Variants in DOCK1 observed in about 807,000 individuals in gnomAD.
The protein encoded by DOCK1 is dedicator of cytokinesis 1.
DOCK1 carries 138 observed loss-of-function variants against 262.7 expected under a neutral mutation model. The ratio of observed to expected loss-of-function variants is 0.53; its 90% CI spans 0.46 to 0.61. The LOEUF (loss-of-function observed/expected upper bound fraction) is 0.61, where lower values mean the gene tolerates loss of function less well. DOCK1 is among the 20% of genes least tolerant of loss of function. The pLI is 0.00. For synonymous variants in DOCK1, 866 were observed against 867.4 expected, an observed-to-expected ratio of 1.00 and a Z score of 0.03; for missense variants, 1,908 against 2,370.7, an observed-to-expected ratio of 0.80 and a Z score of 4.05.
chr10:127,176,198 C>T lies in DOCK1; in HGVS notation c.2847+48434C>T, dbSNP rs757802603. The T allele has an allele frequency of 5.6e-6, 9 of 1,614,068 alleles. No individual in the cohort carries two copies. The highest frequency in any genetic ancestry group is 3.3e-5 in the South Asian group (3 of 91,076). ...CCTCCCGCTTCTCCCCCAGCTGGCCCGAGGACAGCTGTGTGTCCCTCTGCT... is the reference window on the plus strand; with the variant it reads ...CCTCCCGCTTCTCCCCCAGCTGGCCTGAGGACAGCTGTGTGTCCCTCTGCT... On this transcript the variant is annotated intron_variant, in intron 27 of 51. Transcript: ENST00000623213. This position sits in a 1 kb window ranked among gnomAD's most constrained non-coding sequence, Gnocchi z 4.4.
At position 127,362,024 on chromosome 10, in the gene DOCK1, T is replaced by G. The variant is rs1202237118; in HGVS notation, c.3284-40T>G. ...CATTTAAGCCCATTTTAGAATTCTA[T>G]TTTTCTTTATTTCTGAATATTGTAC... On this transcript the variant is annotated intron_variant, in intron 32 of 51. Transcript: ENST00000623213. 2.6e-6 allele frequency: 4 copies of G among 1,554,888 alleles called. No individual in the cohort carries two copies. The Admixed American group carries it at 7.9e-5, about 31-fold the overall frequency.
chr10:127,249,416 C>CAT (rs1564933587), intron 28 of DOCK1, among the ~76,000 whole-genome samples: 1 of 117,672 alleles, frequency 8.5e-6, no homozygotes, highest in Middle Eastern at 4.4e-3. Flanking sequence ...TATATATATA[C>CAT]ATGTACATAT....
chr10:127,197,369 C>A (rs530846831), intron 27 of DOCK1, among the ~76,000 whole-genome samples: 1 of 152,092 alleles, frequency 6.6e-6, no homozygotes, highest in East Asian at 1.9e-4. Context: ...GAGCTATCCC[C>A]GCCCTTAATT....
intron 27 of DOCK1, among the ~76,000 whole-genome samples, chr10:127,219,335 A>G (rs1409646872): frequency 6.6e-6 from 1 of 152,244 alleles, no homozygotes; most frequent in East Asian, 1.9e-4. Flanking sequence ...GCATATGGCT[A>G]TTTCTGAGTT....
At chr10:127,311,807 C>G (rs1462833767) in intron 29 of DOCK1, among the ~76,000 whole-genome samples, 4 of 152,188 alleles carry the variant, frequency 2.6e-5, no homozygotes, top group Non-Finnish European at 4.4e-5. Context: ...CTCTGGGCTG[C>G]TTAAATTGAC....
intron 23 of DOCK1, among the ~76,000 whole-genome samples, chr10:127,084,036 T>G (rs2047059100): frequency 6.6e-6 from 1 of 152,228 alleles, no homozygotes; most frequent in South Asian, 2.1e-4. Context: ...CTAAATCCCA[T>G]TATTTAATAT....
chr10:127,217,712 A>G (rs1163696426), intron 27 of DOCK1, among the ~76,000 whole-genome samples: 1 of 152,236 alleles, frequency 6.6e-6, no homozygotes, highest in Non-Finnish European at 1.5e-5. Context: ...TCTGAAAAAC[A>G]TGCCACATAG....
intron 13 of DOCK1, among the ~76,000 whole-genome samples, chr10:127,019,702 T>G (rs2042275920): frequency 6.6e-6 from 1 of 152,158 alleles, no homozygotes; most frequent in African/African-American, 2.4e-5. Flanking sequence ...TGAGCACAGA[T>G]CACGCCACTG....
intron 1 of DOCK1, among the ~76,000 whole-genome samples, chr10:126,927,405 CTT>C (rs1487909117): frequency 6.6e-6 from 1 of 152,112 alleles, no homozygotes; most frequent in Admixed American, 6.5e-5. Context: ...TGATCTCTTC[CTT>C]TCTTTCCAAA....
At chr10:127,309,458 CA>C (rs1443433539) in intron 29 of DOCK1, among the ~76,000 whole-genome samples, 5 of 144,964 alleles carry the variant, frequency 3.4e-5, no homozygotes, top group African/African-American at 1.4e-4. Context: ...TCCCGGTTGT[CA>C]ATTTTTTGCT....
chr10:127,432,862 T>C (rs2069394347), intron 47 of DOCK1, among the ~76,000 whole-genome samples: 1 of 152,192 alleles, frequency 6.6e-6, no homozygotes, highest in Non-Finnish European at 1.5e-5. Flanking sequence ...TATGGATTCA[T>C]GCATTTTGAT....
At chr10:127,442,726 G>T (rs977671723) in intron 49 of DOCK1, among the ~76,000 whole-genome samples, 1 of 152,180 alleles carries the variant, frequency 6.6e-6, no homozygotes, top group Middle Eastern at 3.2e-3. Context: ...AGACTTTCAG[G>T]TACACGCCAA....
intron 23 of DOCK1, among the ~76,000 whole-genome samples, chr10:127,082,778 C>T (rs1024203832): frequency 2.0e-5 from 3 of 152,130 alleles, no homozygotes; most frequent in Admixed American, 6.5e-5. Flanking sequence ...TCTCCTTTCC[C>T]CGTGCCCCAC....
chr10:127,299,061 T>G (rs1358561638), intron 29 of DOCK1, among the ~76,000 whole-genome samples: 2 of 152,192 alleles, frequency 1.3e-5, no homozygotes, highest in Non-Finnish European at 1.5e-5. Context: ...TTTGCAGATA[T>G]AATCAGGTTG....
At chr10:127,223,451 T>C (rs2058515755) in intron 27 of DOCK1, among the ~76,000 whole-genome samples, 1 of 152,188 alleles carries the variant, frequency 6.6e-6, no homozygotes. Context: ...GCATCCCTAA[T>C]TGGAAAATTC....
intron 27 of DOCK1, among the ~76,000 whole-genome samples, chr10:127,144,234 C>A (rs1175709363): frequency 3.3e-5 from 5 of 152,152 alleles, no homozygotes; most frequent in African/African-American, 1.2e-4. Context: ...CCCTGCTTAT[C>A]CTTCAAAACC....
chr10:127,311,103 G>A lies in DOCK1; in HGVS notation c.3045-27903G>A, dbSNP rs527936674. Among the ~76,000 whole-genome samples, 5 of 152,306 alleles carry A rather than the reference G, an allele frequency of 3.3e-5. No homozygotes were observed. In the East Asian group the frequency reaches 9.7e-4, roughly 29 times the overall value. On this transcript the variant is annotated intron_variant, in intron 29 of 51. Coordinates refer to ENST00000623213, the MANE Select transcript of DOCK1 (RefSeq NM_001290223.2). The stretch of plus-strand genomic sequence containing the variant: ...GCTTCCCAGACTTCATTGAGCACAC[G>A]AATCGCCTGGGGCTCTTTTAAAATG...
chr10:126,952,351 T>C (rs1024482634), intron 1 of DOCK1, among the ~76,000 whole-genome samples: 38 of 150,440 alleles, frequency 2.5e-4, no homozygotes, highest in African/African-American at 9.3e-4. Context: ...ATGGTGGTGG[T>C]AATATTGTTA....
At position 127,031,857 on chromosome 10, in the gene DOCK1, A is replaced by C. The variant is rs539846434; in HGVS notation, c.1728+104A>C. On this transcript the variant is annotated intron_variant, in intron 17 of 51. Transcript: ENST00000623213. ...TTCCCATCATTGTGAGGAAGCTGCT[A>C]TCTAGCTACATTTAATTATGCAAAT... 3.9e-6 allele frequency: 4 copies of C among 1,030,860 alleles called. No homozygotes were observed. The South Asian group carries it at 6.0e-5, about 15-fold the overall frequency. The allele number at this position is 1,030,860 out of a possible 1,614,324, so 63.9% of individuals were successfully genotyped here. A position where few individuals can be genotyped will look rare whatever the true frequency, so the allele number is the denominator to read the frequency against.
Sources: allele counts gnomAD v4.1 joint callset (sites outside exome capture counted in the v4.1 genomes callset), GRCh38; gene constraint gnomAD v4.1.1; non-coding constraint Gnocchi (gnomAD v3.1); transcripts MANE v1.5; gene names NCBI Gene and HGNC (gene_info 2026-07-23, HGNC 2026-07-21).